The following ZBTB7C variants were observed in gnomAD, a reference collection of about 807,000 sequenced individuals.
The protein encoded by ZBTB7C is zinc finger and BTB domain-containing protein 7C.
A neutral mutation model predicts 25.7 loss-of-function variants in ZBTB7C; 8 were observed. The ratio of observed to expected loss-of-function variants is 0.31; its 90% CI spans 0.18 to 0.56. ZBTB7C has a LOEUF of 0.56. Ranked by LOEUF, ZBTB7C falls within the 20% of genes least tolerant of loss-of-function variation. ZBTB7C has a pLI of 0.91. For missense variants in ZBTB7C, 824 were observed against 855.2 expected, an observed-to-expected ratio of 0.96 and a Z score of 0.46; for synonymous variants, 394 against 369.0, an observed-to-expected ratio of 1.07 and a Z score of -0.78.
At chr18:48,396,462 T>C (rs900146672) in intron 1 of ZBTB7C, among the ~76,000 whole-genome samples, 6 of 152,236 alleles carry the variant, frequency 3.9e-5, no homozygotes, top group Non-Finnish European at 1.5e-5. Flanking sequence ...CACCTACTCA[T>C]ACTTCATCAA....
upstream of ZBTB7C, among the ~76,000 whole-genome samples, chr18:48,409,980 A>G (rs1414896285): frequency 8.5e-6 from 1 of 117,214 alleles, no homozygotes; most frequent in Non-Finnish European, 1.6e-5. Context: ...GACCCGGGGC[A>G]GCGGTGCGGC....
intron 1 of ZBTB7C, among the ~76,000 whole-genome samples, chr18:48,392,531 C>G (rs928260608): frequency 6.6e-6 from 1 of 152,152 alleles, no homozygotes; most frequent in African/African-American, 2.4e-5. Context: ...TAGGAAGTTC[C>G]GTGCTTGAGC....
At chr18:48,241,943 A>G (rs8085156) in intron 2 of ZBTB7C, among the ~76,000 whole-genome samples, 9,006 of 152,214 alleles carry the variant, frequency 0.059, 954 homozygotes, top group East Asian at 0.48. Flanking sequence ...AAATTGAAAG[A>G]CCATTAGCAA....
chr18:48,314,526 G>A (rs1190594183), intron 2 of ZBTB7C, among the ~76,000 whole-genome samples: 1 of 152,166 alleles, frequency 6.6e-6, no homozygotes, highest in Non-Finnish European at 1.5e-5. Context: ...GGGCAGGAGA[G>A]CCCAGAGAGG....
At chr18:48,279,439 G>C (rs940102192) in intron 2 of ZBTB7C, among the ~76,000 whole-genome samples, 3 of 152,188 alleles carry the variant, frequency 2.0e-5, no homozygotes, top group African/African-American at 7.2e-5. Context: ...TTTGGCTTTA[G>C]GCAGATCCAG....
chr18:48,339,206 C>T (rs1015516649), intron 1 of ZBTB7C, among the ~76,000 whole-genome samples: 16 of 152,226 alleles, frequency 1.1e-4, no homozygotes, highest in South Asian at 6.2e-4. Flanking sequence ...AGGCACAGCC[C>T]CCATCTCTTG....
chr18:48,399,671 G>A (rs1016290139), intron 1 of ZBTB7C, among the ~76,000 whole-genome samples: 5 of 152,162 alleles, frequency 3.3e-5, no homozygotes, highest in African/African-American at 1.2e-4. Flanking sequence ...CTGGGAGTTG[G>A]GGTCGTCAGG....
chr18:48,320,863 T>C (rs2046074602), intron 2 of ZBTB7C, among the ~76,000 whole-genome samples: 2 of 152,238 alleles, frequency 1.3e-5, no homozygotes, highest in East Asian at 1.9e-4. Flanking sequence ...ACCCTGACCA[T>C]CTGTGCGGCC....
chr18:48,229,992 T>C (rs2145343274), intron 2 of ZBTB7C, among the ~76,000 whole-genome samples: 1 of 152,310 alleles, frequency 6.6e-6, no homozygotes, highest in Middle Eastern at 3.4e-3. Flanking sequence ...TCCTGCCCAG[T>C]GAGGCAAACA....
intron 3 of ZBTB7C, among the ~76,000 whole-genome samples, chr18:48,097,879 C>CTTTT (rs150686674): frequency 6.9e-6 from 1 of 145,568 alleles, no homozygotes. Context: ...TTACAAGCAT[C>CTTTT]TTTTTTTTTT....
intron 3 of ZBTB7C, among the ~76,000 whole-genome samples, chr18:48,183,387 G>C (rs879123489): frequency 6.6e-6 from 1 of 152,176 alleles, no homozygotes; most frequent in Admixed American, 6.5e-5. Context: ...AGAGGTAGAG[G>C]GGAGACTTTT....
At chr18:48,228,743 T>TCAAA (rs34427342) in intron 2 of ZBTB7C, among the ~76,000 whole-genome samples, 14 of 135,836 alleles carry the variant, frequency 1.0e-4, no homozygotes, top group Non-Finnish European at 1.5e-4. Flanking sequence ...TCTCTCTCTC[T>TCAAA]CTCTCACACA....
chr18:48,227,852 C>T (rs1346700308), intron 2 of ZBTB7C, among the ~76,000 whole-genome samples: 1 of 152,140 alleles, frequency 6.6e-6, no homozygotes, highest in Non-Finnish European at 1.5e-5. Flanking sequence ...TTGTCCTCTC[C>T]TTCTCTCCCT....
At chr18:48,401,745 C>T (rs760985145) in intron 1 of ZBTB7C, among the ~76,000 whole-genome samples, 11 of 152,146 alleles carry the variant, frequency 7.2e-5, no homozygotes, top group Non-Finnish European at 1.2e-4. Flanking sequence ...CCAGTCTTGA[C>T]TCTGTGAGGC....
intron 2 of ZBTB7C, among the ~76,000 whole-genome samples, chr18:48,316,539 CA>C (rs1411927991): frequency 6.6e-6 from 1 of 152,374 alleles, no homozygotes; most frequent in Non-Finnish European, 1.5e-5. Context: ...GTGGATTTCT[CA>C]TGAATGGCTT....
At chr18:48,110,637 C>T (rs1439582854) in intron 3 of ZBTB7C, among the ~76,000 whole-genome samples, 7 of 152,232 alleles carry the variant, frequency 4.6e-5, no homozygotes, top group African/African-American at 2.4e-5. Context: ...CTAGAATACA[C>T]GGTTCTGAAT....
At position 48,259,513 on chromosome 18, in the gene ZBTB7C, T is replaced by C. The variant is rs958468942; in HGVS notation, c.-78-73518A>G. Among the ~76,000 whole-genome samples the C allele has an allele frequency of 7.9e-5, 10 of 125,830 alleles. 1 individual carries two copies. The highest frequency in any genetic ancestry group is 3.3e-4 in the African/African-American group (9 of 27,262). 82.5% of individuals were successfully genotyped at this position (125,830 alleles called of 152,430 possible). A position where few individuals can be genotyped will look rare whatever the true frequency, so the allele number is the denominator to read the frequency against. ...GTCTTAGATATGACACAAAAAGCACTATACATAAAAGAAAAAAACTGAAAA... is the reference window on the plus strand; with the variant it reads ...GTCTTAGATATGACACAAAAAGCACCATACATAAAAGAAAAAAACTGAAAA... On this transcript the variant is annotated intron_variant, in intron 2 of 4. Transcript: ENST00000590800.
At chr18:48,198,970 G>A (rs571728496) in intron 2 of ZBTB7C, among the ~76,000 whole-genome samples, 118 of 152,310 alleles carry the variant, frequency 7.7e-4, no homozygotes, top group African/African-American at 2.7e-3. Flanking sequence ...TACCTGAAAC[G>A]ACTTTATTCC....
chr18:48,319,705 G>A (rs2046044059), intron 2 of ZBTB7C, among the ~76,000 whole-genome samples: 1 of 152,218 alleles, frequency 6.6e-6, no homozygotes, highest in Non-Finnish European at 1.5e-5. Context: ...GCCCGGGAAT[G>A]TTTGGATGTA....
Sources: gnomAD v4.1 joint callset for allele counts (sites outside exome capture counted in the v4.1 genomes callset) on GRCh38, gnomAD v4.1.1 for gene constraint, MANE v1.5 for transcripts, NCBI Gene and HGNC (gene_info 2026-07-23, HGNC 2026-07-21) for gene names.